Variants in SMURF2 observed in about 807,000 individuals in gnomAD.
SMURF2 encodes the protein SMAD specific E3 ubiquitin protein ligase 2, also known as E3 ubiquitin-protein ligase SMURF2.
A neutral mutation model predicts 109.6 loss-of-function variants in SMURF2; 48 were observed. The observed-to-expected ratio is 0.44, with a 90% CI of 0.35 to 0.56. The LOEUF is 0.56. SMURF2 is among the 20% of genes least tolerant of loss of function. SMURF2 has a pLI of 0.01. For missense variants in SMURF2, 575 were observed against 909.0 expected (o/e 0.63, Z 4.72); for synonymous variants, 288 against 317.1 (o/e 0.91, Z 0.97).
intron 1 of SMURF2, among the ~76,000 whole-genome samples, chr17:64,636,206 A>G (rs1197637982): frequency 6.6e-6 from 1 of 152,114 alleles, no homozygotes; most frequent in African/African-American, 2.4e-5. Context: ...GGATCCTCCC[A>G]CCTCAGCCTC....
Position 64,591,128 on chromosome 17 carries a change from T to C in SMURF2, c.356A>G (p.Lys119Arg). 2 of 1,613,264 alleles carry C rather than the reference T, an allele frequency of 1.2e-6. No homozygotes were observed. The highest frequency in any genetic ancestry group is 1.7e-6 in the Non-Finnish European group (2 of 1,179,632). Reference sequence around the variant, plus strand: ...TGTATCATTGTCATTTGGCCCGAGTTTGCATAAATCCAACCTCTGATCTAT... The same window carrying C: ...TGTATCATTGTCATTTGGCCCGAGTCTGCATAAATCCAACCTCTGATCTAT... Reference protein sequence around the residue: ...DTGYQRLDLCKLGPNDNDTVR... With the variant: ...DTGYQRLDLCRLGPNDNDTVR... The change falls in exon 5 of 19, where the codon AAA becomes AGA. Residue 119 changes from lysine to arginine, a missense_variant. By Grantham distance (26) the Lys-to-Arg change is conservative (BLOSUM62 2). Coordinates refer to ENST00000262435, the MANE Select transcript of SMURF2 (RefSeq NM_022739.4).
intron 1 of SMURF2, among the ~76,000 whole-genome samples, chr17:64,654,171 G>A (rs532255994): frequency 3.9e-5 from 6 of 152,264 alleles, no homozygotes; most frequent in East Asian, 1.9e-4. Context: ...AATCATCCAC[G>A]TGGTAATTCC....
At chr17:64,642,924 G>A (rs1447550318) in intron 1 of SMURF2, among the ~76,000 whole-genome samples, 1 of 151,934 alleles carries the variant, frequency 6.6e-6, no homozygotes, top group East Asian at 1.9e-4. Context: ...CCTCCCTGGT[G>A]GCTGGGACTA....
Position 64,648,699 on chromosome 17 carries a change from G to C in SMURF2, c.52+13130C>G, listed in dbSNP as rs182597694. Among the ~76,000 whole-genome samples, 1,382 of 152,182 alleles carry C rather than the reference G, an allele frequency of 9.1e-3. 16 individuals are homozygous for C. The highest frequency in any genetic ancestry group is 0.032 in the African/African-American group (1,325 of 41,514). On this transcript the variant is annotated intron_variant, in intron 1 of 18. Transcript: ENST00000262435. ...AGGCAGGAGGATTACTTGAGCCCAGGTGGTCAAGGCTATAGTGAGCCATAA... is the reference window on the plus strand; with the variant it reads ...AGGCAGGAGGATTACTTGAGCCCAGCTGGTCAAGGCTATAGTGAGCCATAA...
chr17:64,552,022 C>T (rs1555683667), intron 15 of SMURF2, among the ~76,000 whole-genome samples: 1 of 152,182 alleles, frequency 6.6e-6, no homozygotes, highest in African/African-American at 2.4e-5. Context: ...AAACTTACAG[C>T]ATACATGCCA....
chr17:64,633,261 C>A (rs1213916848), intron 1 of SMURF2, among the ~76,000 whole-genome samples: 2 of 152,124 alleles, frequency 1.3e-5, no homozygotes, highest in Non-Finnish European at 2.9e-5. Context: ...CAAAGCAAGA[C>A]CCTGTTTCAA....
intron 12 of SMURF2, 149 bp downstream of exon 12, chr17:64,561,351 A>G: frequency 3.3e-6 from 2 of 607,014 alleles, no homozygotes; most frequent in Non-Finnish European, 5.8e-6. Flanking sequence ...TAACCTCATT[A>G]TGAATATATC....
At chr17:64,588,134 G>GTTT (rs1318896676) in intron 5 of SMURF2, among the ~76,000 whole-genome samples, 1 of 142,288 alleles carries the variant, frequency 7.0e-6, no homozygotes, top group Non-Finnish European at 1.5e-5. Context: ...ATTTAAACCA[G>GTTT]TTTTTAAAAA....
chr17:64,649,299 C>G (rs934990506), intron 1 of SMURF2, among the ~76,000 whole-genome samples: 2 of 152,084 alleles, frequency 1.3e-5, no homozygotes, highest in Non-Finnish European at 2.9e-5. Flanking sequence ...AGAAATACCC[C>G]CATCTACTGG....
chr17:64,628,765 C>T (rs370336367), intron 1 of SMURF2, among the ~76,000 whole-genome samples: 2 of 152,194 alleles, frequency 1.3e-5, no homozygotes, highest in Non-Finnish European at 2.9e-5. Context: ...TCCGTGACTT[C>T]CTGCCTTGAA....
In SMURF2 at chr17:64,596,892, G is replaced by A. The variant is rs188081387; in HGVS notation, c.200+1490C>T. Among the ~76,000 whole-genome samples the A allele has an allele frequency of 2.8e-4, 42 of 152,154 alleles. No individual in the cohort carries two copies. The East Asian group carries it at 6.2e-3, about 22-fold the overall frequency. ...GAGATAAATAGATAACTAAACAAAT[G>A]GGAAAAGTAGCTACTAACTTCAGAA... is the stretch of plus-strand genomic sequence containing the variant. On this transcript the variant is annotated intron_variant, in intron 3 of 18. Coordinates refer to ENST00000262435, the MANE Select transcript of SMURF2 (RefSeq NM_022739.4).
At chr17:64,643,402 A>G (rs1223177927) in intron 1 of SMURF2, among the ~76,000 whole-genome samples, 3 of 152,176 alleles carry the variant, frequency 2.0e-5, no homozygotes, top group Non-Finnish European at 4.4e-5. Context: ...AGGGTGTGCT[A>G]GATGTTTTGT....
chr17:64,661,936 C>T lies in SMURF2; in HGVS notation c.-56G>A. On this transcript the variant is annotated 5_prime_UTR_variant, in exon 1 of 19. Transcript: ENST00000262435. ...GGGCGGCACGGGGGCGACGGCGAGG[C>T]GCGGCGGAGTCACCACAGCGGCCGG... 1 of 1,149,142 alleles carries T rather than the reference C, an allele frequency of 8.7e-7. No individual in the cohort carries two copies. Among genetic ancestry groups the T allele is most frequent in the Non-Finnish European group, 1.1e-6 (1 of 935,538 alleles). The allele number at this position is 1,149,142 out of a possible 1,614,324, so 71.2% of individuals were successfully genotyped here. A position where few individuals can be genotyped will look rare whatever the true frequency, so the allele number is the denominator to read the frequency against.
chr17:64,571,959 G>A lies in SMURF2; in HGVS notation c.858-3C>T. 5 of 1,598,916 alleles carry A rather than the reference G, an allele frequency of 3.1e-6. No individual in the cohort carries two copies. The highest frequency in any genetic ancestry group is 4.3e-6 in the Non-Finnish European group (5 of 1,174,108). On this transcript the variant is annotated splice_polypyrimidine_tract_variant and splice_region_variant and intron_variant, in intron 9 of 18. Transcript: ENST00000262435. The stretch of plus-strand genomic sequence containing the variant: ...CACAATTGATGTTGCTAAGATCCCT[G>A]CAAAAACAAATATAAAATAAAAAAT...
chr17:64,621,007 T>C (rs1184601637), intron 1 of SMURF2, among the ~76,000 whole-genome samples: 1 of 152,172 alleles, frequency 6.6e-6, no homozygotes, highest in Non-Finnish European at 1.5e-5. Context: ...CAACTACTTA[T>C]CTAATAACAG....
chr17:64,606,152 G>A (rs566370328), intron 2 of SMURF2, among the ~76,000 whole-genome samples: 1 of 152,256 alleles, frequency 6.6e-6, no homozygotes, highest in East Asian at 1.9e-4. Flanking sequence ...AGGATCAAAT[G>A]TGGCAGAGAT....
chr17:64,654,909 T>C (rs1053932431), intron 1 of SMURF2, among the ~76,000 whole-genome samples: 1 of 151,834 alleles, frequency 6.6e-6, no homozygotes, highest in African/African-American at 2.4e-5. Context: ...ACTCCTGGGC[T>C]CAAGTGATCC....
intron 2 of SMURF2, among the ~76,000 whole-genome samples, chr17:64,599,308 T>G (rs1969861125): frequency 6.6e-6 from 1 of 152,058 alleles, no homozygotes; most frequent in Non-Finnish European, 1.5e-5. Flanking sequence ...TAAACCCATG[T>G]CTGGCTCTCG....
chr17:64,556,081 T>G, intron 13 of SMURF2, 83 bp from the exon 14 acceptor site: 1 of 1,054,126 alleles, frequency 9.5e-7, no homozygotes, highest in South Asian at 1.7e-5. Context: ...GCAACATTAA[T>G]CTTTTTGAGA....
Sources: allele counts gnomAD v4.1 joint callset (sites outside exome capture counted in the v4.1 genomes callset), GRCh38; gene constraint gnomAD v4.1.1; transcripts MANE v1.5; gene names NCBI Gene and HGNC (gene_info 2026-07-23, HGNC 2026-07-21).